IPMK: variants seen among roughly 807,000 people sequenced by gnomAD.
IPMK encodes inositol polyphosphate multikinase, also known as inositol 1,3,4,6-tetrakisphosphate 5-kinase.
A neutral mutation model predicts 45.8 loss-of-function variants in IPMK; 17 were observed. The observed-to-expected ratio is 0.37, with a 90% CI of 0.25 to 0.56. The LOEUF is 0.56. Among genes scored for constraint, IPMK ranks in the 20% least tolerant of loss-of-function variants. The pLI is 0.79. For missense variants in IPMK, 399 were observed against 498.0 expected (o/e 0.80, Z 1.89); for synonymous variants, 180 against 184.3 (o/e 0.98, Z 0.19).
chr10:58,227,165 T>C lies in IPMK; in HGVS notation c.277-26A>G, dbSNP rs1261493733. ...CTGAAACAGAGAAATATAACATTGC[T>C]AGATTCTTACAATGCTTTGTAACTG... On this transcript the variant is annotated intron_variant, in intron 2 of 5. Transcript: ENST00000373935. The C allele has an allele frequency of 2.7e-6, 4 of 1,495,124 alleles. No homozygotes were observed. The East Asian group carries it at 9.1e-5, about 34-fold the overall frequency. The allele number at this position is 1,495,124 out of a possible 1,614,324, so 92.6% of individuals were successfully genotyped here.
At chr10:58,244,698 G>C (rs1322088317) in intron 1 of IPMK, among the ~76,000 whole-genome samples, 2 of 152,170 alleles carry the variant, frequency 1.3e-5, no homozygotes, top group Non-Finnish European at 2.9e-5. Flanking sequence ...TCTGTACTAA[G>C]AAAAATTCTT....
chr10:58,242,352 C>G (rs1449168759), intron 1 of IPMK, among the ~76,000 whole-genome samples: 1 of 150,156 alleles, frequency 6.7e-6, no homozygotes, highest in Non-Finnish European at 1.5e-5. Flanking sequence ...CTCAGCTACT[C>G]GGGAGGCTGA....
rs901545200 is a variant in IPMK at position 58,222,043 on chromosome 10, C to G, written c.373+5000G>C. On this transcript the variant is annotated intron_variant, in intron 3 of 5. Transcript: ENST00000373935. ...GGATTACAGGCATTAGCCACTGCAC[C>G]TGGCCTAATTTTTAAAATTTATTGT... Among the ~76,000 whole-genome samples, 3 of 152,160 alleles carry G rather than the reference C, an allele frequency of 2.0e-5. No individual in the cohort carries two copies. In the East Asian group the frequency reaches 5.8e-4, roughly 29 times the overall value.
chr10:58,244,107 G>C (rs1470704650), intron 1 of IPMK, among the ~76,000 whole-genome samples: 2 of 149,896 alleles, frequency 1.3e-5, no homozygotes, highest in African/African-American at 4.9e-5. Flanking sequence ...GCCCCGTCTG[G>C]GAAGTGGGCG....
rs1400977706 is a variant in IPMK at position 58,267,192 on chromosome 10, C to T, written c.190+230G>A. Among the ~76,000 whole-genome samples the T allele has an allele frequency of 3.3e-5, 5 of 152,232 alleles. No homozygotes were observed. In the East Asian group the frequency reaches 9.6e-4, roughly 29 times the overall value. Reference sequence around the variant, plus strand: ...GTGGGTGAGACCAGACACGCCTCTCCCTGCCACCCGTGCTGCAAGCCTGAC... The same window carrying T: ...GTGGGTGAGACCAGACACGCCTCTCTCTGCCACCCGTGCTGCAAGCCTGAC... On this transcript the variant is annotated intron_variant, in intron 1 of 5. Coordinates refer to ENST00000373935, the MANE Select transcript of IPMK (RefSeq NM_152230.5).
rs149030725 is a variant in IPMK at position 58,210,311 on chromosome 10, C to A, written c.546+5834G>T. Among the ~76,000 whole-genome samples the A allele has an allele frequency of 5.2e-3, 789 of 152,268 alleles. 5 individuals carry two copies. The highest frequency in any genetic ancestry group is 0.018 in the African/African-American group (746 of 41,554). ...CAGCCCCAAGTTTAGATCTGGGCAG[C>A]CTGCATGTGAAACACAGACCTGCCC... On this transcript the variant is annotated intron_variant, in intron 4 of 5. Transcript: ENST00000373935.
chr10:58,245,656 A>AAATAATAAG (rs1307165543), intron 1 of IPMK, among the ~76,000 whole-genome samples: 1 of 151,882 alleles, frequency 6.6e-6, no homozygotes, highest in Non-Finnish European at 1.5e-5. Flanking sequence ...ACGTATCTCA[A>AAATAATAAG]AATAATAAGA....
intron 1 of IPMK, among the ~76,000 whole-genome samples, chr10:58,242,423 G>C (rs1189700035): frequency 1.4e-5 from 2 of 142,264 alleles, no homozygotes; most frequent in Non-Finnish European, 3.0e-5. Context: ...TTGTGCCACT[G>C]CACTCCAGCC....
At chr10:58,208,133 G>T (rs965305394) in intron 4 of IPMK, among the ~76,000 whole-genome samples, 1 of 152,106 alleles carries the variant, frequency 6.6e-6, no homozygotes. Flanking sequence ...GTAGACATGG[G>T]GTTTCACCAT....
intron 5 of IPMK, among the ~76,000 whole-genome samples, chr10:58,197,919 C>T (rs1419582177): frequency 6.7e-6 from 1 of 149,424 alleles, no homozygotes; most frequent in Non-Finnish European, 1.5e-5. Flanking sequence ...GTCCCAGCTA[C>T]TTGGGAGGCT....
At chr10:58,226,366 T>A (rs1214297819) in intron 3 of IPMK, among the ~76,000 whole-genome samples, 1 of 152,186 alleles carries the variant, frequency 6.6e-6, no homozygotes, top group Non-Finnish European at 1.5e-5. Flanking sequence ...AAACAAAATG[T>A]CTGGGAGTTG....
intron 4 of IPMK, among the ~76,000 whole-genome samples, chr10:58,205,388 C>G (rs1838056208): frequency 6.6e-6 from 1 of 151,896 alleles, no homozygotes; most frequent in South Asian, 2.1e-4. Context: ...CATATGTAGT[C>G]AAAAACATTG....
rs1478085854 is a variant in IPMK at position 58,195,904 on chromosome 10, TTA to T, written c.*170_*171del. On this transcript the variant is annotated 3_prime_UTR_variant, in exon 6 of 6. Transcript: ENST00000373935. ...TCATAGTTTTCTAATGAACAAATAG[TTA>T]GTTTTCCTGAGTAAGATTATAAAAA... The T allele has an allele frequency of 3.2e-6, 2 of 616,272 alleles. No homozygotes were observed. The highest frequency in any genetic ancestry group is 5.5e-6 in the Non-Finnish European group (2 of 361,832). 38.2% of individuals were successfully genotyped at this position (616,272 alleles called of 1,614,324 possible). A position where few individuals can be genotyped will look rare whatever the true frequency, so the allele number is the denominator to read the frequency against.
In IPMK at chr10:58,194,646, C is replaced by T. The variant is rs554553948; in HGVS notation, c.*1430G>A. On this transcript the variant is annotated 3_prime_UTR_variant, in exon 6 of 6. Transcript: ENST00000373935. ...TTCTCCACACCACAATAAAGGTGCT[C>T]GGATTTAAAAATTCAATTTGTAACT... 4.6e-5 allele frequency: 7 copies of T among 151,760 alleles called. No individual in the cohort carries two copies. The highest frequency in any genetic ancestry group is 9.7e-5 in the African/African-American group (4 of 41,438). The allele number at this position is 151,760 out of a possible 1,614,324, so 9.4% of individuals were successfully genotyped here. A position where few individuals can be genotyped will look rare whatever the true frequency, so the allele number is the denominator to read the frequency against.
chr10:58,237,862 C>G (rs764980383), intron 1 of IPMK, 48 bp from the exon 2 acceptor site: 5 of 1,353,600 alleles, frequency 3.7e-6, no homozygotes, highest in Non-Finnish European at 5.3e-6. Flanking sequence ...TAATAGTAAA[C>G]CTTGCTTCAT....
chr10:58,253,641 G>T (rs1476379574), intron 1 of IPMK, among the ~76,000 whole-genome samples: 1 of 151,312 alleles, frequency 6.6e-6, no homozygotes, highest in African/African-American at 2.4e-5. Context: ...GGGAGGCTGA[G>T]GCGGGAGAAT....
At chr10:58,238,845 T>G (rs572607383) in intron 1 of IPMK, among the ~76,000 whole-genome samples, 1,610 of 152,052 alleles carry the variant, frequency 0.011, 28 homozygotes, top group African/African-American at 0.037. Context: ...AAGTTTGTTT[T>G]TTGTTTTTTT....
At chr10:58,230,659 T>C (rs1196929801) in intron 2 of IPMK, among the ~76,000 whole-genome samples, 1 of 151,886 alleles carries the variant, frequency 6.6e-6, no homozygotes, top group Non-Finnish European at 1.5e-5. Flanking sequence ...TACACCAAAA[T>C]CCCATCTGTA....
chr10:58,204,690 G>A (rs1838047225), intron 4 of IPMK, among the ~76,000 whole-genome samples: 1 of 152,076 alleles, frequency 6.6e-6, no homozygotes, highest in Non-Finnish European at 1.5e-5. Flanking sequence ...AATTACTTGG[G>A]AGGCTTAAGT....
Sources: gnomAD v4.1 joint callset for allele counts (sites outside exome capture counted in the v4.1 genomes callset) on GRCh38, gnomAD v4.1.1 for gene constraint, MANE v1.5 for transcripts, NCBI Gene and HGNC (gene_info 2026-07-23, HGNC 2026-07-21) for gene names.